OXR1: variants seen among roughly 807,000 people sequenced by gnomAD.
OXR1 encodes oxidation resistance protein 1.
A neutral mutation model predicts 104.6 loss-of-function variants in OXR1; 41 were observed. The ratio of observed to expected loss-of-function variants is 0.39; its 90% CI spans 0.31 to 0.51. The LOEUF (loss-of-function observed/expected upper bound fraction) is 0.51, where lower values mean the gene tolerates loss of function less well. Ranked by LOEUF, OXR1 falls within the 20% of genes least tolerant of loss-of-function variation. OXR1 has a pLI of 0.77. For missense variants in OXR1, 955 were observed against 1,031.9 expected, an observed-to-expected ratio of 0.93 and a Z score of 1.02; for synonymous variants, 348 against 348.4, an observed-to-expected ratio of 1.00 and a Z score of 0.01.
intron 6 of OXR1, among the ~76,000 whole-genome samples, chr8:106,691,492 A>G (rs1829269420): frequency 1.3e-5 from 2 of 151,842 alleles, no homozygotes; most frequent in Non-Finnish European, 2.9e-5. Context: ...TAAAAGAATT[A>G]CATTGACAAA....
rs553654285 is a variant in OXR1, at chr8:106,285,126, C to T, written c.-139+14759C>T. 1.4e-4 allele frequency among the ~76,000 whole-genome samples: 22 copies of T among 152,204 alleles called. No homozygotes were observed. The East Asian group carries it at 2.7e-3, about 19-fold the overall frequency. On this transcript the variant is annotated intron_variant, in intron 1 of 16. Transcript: ENST00000517566. ...ATGCTATCCCTCCCCACTGCCCCCA[C>T]CCCACAACAGGCCCCGGTGTGTGAT...
chr8:106,291,806 GT>G (rs1812767047), intron 1 of OXR1, among the ~76,000 whole-genome samples: 1 of 152,124 alleles, frequency 6.6e-6, no homozygotes, highest in Admixed American at 6.5e-5. Flanking sequence ...GCAAAAGCAT[GT>G]TTTACTAGGT....
intron 3 of OXR1, among the ~76,000 whole-genome samples, chr8:106,542,362 C>T (rs1815022285): frequency 6.6e-6 from 1 of 151,948 alleles, no homozygotes; most frequent in African/African-American, 2.4e-5. Context: ...GAAAACACTC[C>T]CCCCTACACC....
chr8:106,477,822 A>G (rs774447255), intron 2 of OXR1, among the ~76,000 whole-genome samples: 87 of 152,092 alleles, frequency 5.7e-4, no homozygotes, highest in Non-Finnish European at 1.0e-3. Context: ...TATTGGTGAT[A>G]GTATTGTGAT....
At chr8:106,301,614 A>C (rs761448972) in intron 1 of OXR1, among the ~76,000 whole-genome samples, 2 of 152,216 alleles carry the variant, frequency 1.3e-5, no homozygotes. Flanking sequence ...TTGATTGTAA[A>C]TAGTACCCAG....
chr8:106,319,533 T>A (rs1406938108), intron 1 of OXR1, among the ~76,000 whole-genome samples: 3 of 152,160 alleles, frequency 2.0e-5, no homozygotes, highest in Non-Finnish European at 4.4e-5. Context: ...GAAGAGAAAA[T>A]CAAACTCTAA....
chr8:106,316,102 G>GAAC (rs1278201073), intron 1 of OXR1, among the ~76,000 whole-genome samples: 6 of 152,198 alleles, frequency 3.9e-5, no homozygotes, highest in African/African-American at 1.4e-4. Context: ...TTCATGATGT[G>GAAC]CATTCACTGA....
At chr8:106,272,591 G>C (rs187628166) in intron 1 of OXR1, 1 of 152,378 alleles carries the variant, frequency 6.6e-6, no homozygotes, top group Admixed American at 6.5e-5. Flanking sequence ...GGTGATGTCT[G>C]TCCCGTGGAG....
At chr8:106,615,375 T>A (rs1821129309) in intron 3 of OXR1, among the ~76,000 whole-genome samples, 1 of 151,226 alleles carries the variant, frequency 6.6e-6, no homozygotes, top group Non-Finnish European at 1.5e-5. Context: ...GATGTTGCAG[T>A]GAGCCAAGAT....
chr8:106,356,617 A>G (rs148493308), intron 1 of OXR1, among the ~76,000 whole-genome samples: 1,889 of 152,144 alleles, frequency 0.012, 34 homozygotes, highest in African/African-American at 0.041. Flanking sequence ...TTATTTCAAA[A>G]AGGACTTAGG....
intron 1 of OXR1, among the ~76,000 whole-genome samples, chr8:106,282,037 CT>C (rs1361818669): frequency 2.0e-5 from 3 of 152,014 alleles, no homozygotes; most frequent in African/African-American, 7.3e-5. Flanking sequence ...AACTTTCCCC[CT>C]ACCCCAAACT....
intron 2 of OXR1, among the ~76,000 whole-genome samples, chr8:106,364,645 GA>G (rs1816390986): frequency 6.6e-6 from 1 of 151,984 alleles, no homozygotes; most frequent in African/African-American, 2.4e-5. Flanking sequence ...TTAGAGTTCA[GA>G]AAAATGCAAA....
At chr8:106,425,374 A>G (rs1819073159) in intron 2 of OXR1, among the ~76,000 whole-genome samples, 1 of 152,030 alleles carries the variant, frequency 6.6e-6, no homozygotes, top group African/African-American at 2.4e-5. Context: ...GTAAAACTAA[A>G]AATTAAACAG....
intron 2 of OXR1, among the ~76,000 whole-genome samples, chr8:106,418,059 G>A (rs1166512056): frequency 6.6e-6 from 1 of 151,926 alleles, no homozygotes; most frequent in Non-Finnish European, 1.5e-5. Context: ...TATAGTAAAG[G>A]GACTCATCTT....
intron 1 of OXR1, among the ~76,000 whole-genome samples, chr8:106,281,799 C>CAA (rs59515650): frequency 3.5e-3 from 217 of 62,460 alleles, no homozygotes; most frequent in South Asian, 8.9e-3. Flanking sequence ...GACTCTATCT[C>CAA]AAAAAAAAAA....
rs114362428 is a variant in OXR1 at position 106,382,899 on chromosome 8, C to T, written c.23+23263C>T. ...ACCCAAGTAAGCGGAGGGAAATGGTCTGAACCTCTGACAGCTAACATCCAA... is the reference window on the plus strand; with the variant it reads ...ACCCAAGTAAGCGGAGGGAAATGGTTTGAACCTCTGACAGCTAACATCCAA... On this transcript the variant is annotated intron_variant, in intron 2 of 16. Transcript: ENST00000517566. Among the ~76,000 whole-genome samples, 1,420 of 151,942 alleles carry T rather than the reference C, an allele frequency of 9.3e-3. 21 individuals are homozygous for T. The highest frequency in any genetic ancestry group is 0.032 in the African/African-American group (1,308 of 41,444).
chr8:106,676,347 A>G (rs1360046594), intron 3 of OXR1, among the ~76,000 whole-genome samples: 1 of 152,014 alleles, frequency 6.6e-6, no homozygotes. Flanking sequence ...TTATCCTGTC[A>G]TGATGTTAGC....
intron 3 of OXR1, among the ~76,000 whole-genome samples, chr8:106,529,561 T>C (rs1813940687): frequency 6.6e-6 from 1 of 152,210 alleles, no homozygotes; most frequent in East Asian, 1.9e-4. Context: ...GCCTATAATT[T>C]GTTAAATAAG....
Position 106,339,521 on chromosome 8 carries a change from TA to T in OXR1, c.-138-19954del, listed in dbSNP as rs57414495. Among the ~76,000 whole-genome samples the T allele has an allele frequency of 3.6e-4, 4 of 11,264 alleles. 1 individual carries two copies. The highest frequency in any genetic ancestry group is 3.3e-4 in the Non-Finnish European group (2 of 6,080). The allele number at this position is 11,264 out of a possible 152,430, so 7.4% of individuals were successfully genotyped here. The stretch of plus-strand genomic sequence containing the variant: ...AAAAAAAAAAAAAAAAAAAAAAAAA[TA>T]TATATATATATATATATATATATAT... On this transcript the variant is annotated intron_variant, in intron 1 of 16. Coordinates refer to ENST00000517566, the MANE Select transcript of OXR1 (RefSeq NM_001198533.2).
Sources: gnomAD v4.1 joint callset for allele counts (sites outside exome capture counted in the v4.1 genomes callset) on GRCh38, gnomAD v4.1.1 for gene constraint, MANE v1.5 for transcripts, NCBI Gene and HGNC (gene_info 2026-07-23, HGNC 2026-07-21) for gene names.